Variants in VPS26A observed in about 807,000 individuals in gnomAD.
VPS26A encodes the protein vacuolar protein sorting-associated protein 26A.
In VPS26A, 22 loss-of-function variants were observed where a neutral mutation model predicts 42.4. The observed-to-expected ratio is 0.52, with a 90% confidence interval of 0.37 to 0.74. The LOEUF (loss-of-function observed/expected upper bound fraction) is 0.74, where lower values mean the gene tolerates loss of function less well. VPS26A is among the 30% of genes least tolerant of loss of function. The pLI is 0.00. For missense variants in VPS26A, 276 were observed against 379.2 expected (o/e 0.73, Z 2.26); for synonymous variants, 110 against 123.5 (o/e 0.89, Z 0.73).
At chr10:69,137,355 AC>A (rs2132195871) in intron 2 of VPS26A, among the ~76,000 whole-genome samples, 1 of 152,336 alleles carries the variant, frequency 6.6e-6, no homozygotes, top group South Asian at 2.1e-4. Flanking sequence ...TCAGGGACTT[AC>A]CAGGTTAAAA....
At chr10:69,151,881 T>G (rs142328139) in intron 2 of VPS26A, among the ~76,000 whole-genome samples, 1 of 152,348 alleles carries the variant, frequency 6.6e-6, no homozygotes, top group Non-Finnish European at 1.5e-5. Context: ...CTGCATGGCT[T>G]TTGAAATAGC....
intron 2 of VPS26A, among the ~76,000 whole-genome samples, chr10:69,145,565 G>T (rs1285060980): frequency 1.3e-5 from 2 of 151,952 alleles, no homozygotes; most frequent in East Asian, 3.9e-4. Flanking sequence ...TTTTTCTTCT[G>T]TATGGATAGC....
At chr10:69,158,570 T>A (rs4603192) in intron 5 of VPS26A, among the ~76,000 whole-genome samples, 2 of 151,702 alleles carry the variant, frequency 1.3e-5, no homozygotes, top group East Asian at 1.9e-4. Flanking sequence ...TGTTAATGTC[T>A]CCTTGTATAT....
chr10:69,160,351 G>A lies in VPS26A; in HGVS notation c.552-2055G>A, dbSNP rs187004808. Among the ~76,000 whole-genome samples the A allele has an allele frequency of 2.6e-4, 39 of 152,026 alleles. No homozygotes were observed. The East Asian group carries it at 7.3e-3, about 29-fold the overall frequency. On this transcript the variant is annotated intron_variant, in intron 5 of 8. Transcript: ENST00000263559. ...ATTTTTGTATTTTTAGTGGAGACGG[G>A]GTTTCACCATGTTGGTCAGGCTGGT...
rs560559803 is a variant in VPS26A, at chr10:69,132,766, T to C, written c.4-132T>C. On this transcript the variant is annotated intron_variant, in intron 1 of 8. Transcript: ENST00000263559. Reference sequence around the variant, plus strand: ...CCTTTGATGTAGCATTTGATATATGTTTTTATCATTTCCTTATGAACTCAC... The same window carrying C: ...CCTTTGATGTAGCATTTGATATATGCTTTTATCATTTCCTTATGAACTCAC... The C allele has an allele frequency of 6.5e-5, 62 of 957,616 alleles. No homozygotes were observed. The South Asian group carries it at 1.1e-3, about 17-fold the overall frequency. The allele number at this position is 957,616 out of a possible 1,614,324, so 59.3% of individuals were successfully genotyped here.
At chr10:69,150,929 T>C (rs1841289754) in intron 2 of VPS26A, among the ~76,000 whole-genome samples, 1 of 152,096 alleles carries the variant, frequency 6.6e-6, no homozygotes, top group South Asian at 2.1e-4. Flanking sequence ...AGTTTTTGAA[T>C]TATAATAAGA....
Position 69,172,872 on chromosome 10 carries a change from T to C in VPS26A, c.*1603T>C, listed in dbSNP as rs1841847321. ...AATTTGAAACAGAAACTGAGCTTGC[T>C]GTTTGCATGATTAAAATAGCTCTGT... is the stretch of plus-strand genomic sequence containing the variant. On this transcript the variant is annotated 3_prime_UTR_variant, in exon 9 of 9. Transcript: ENST00000263559. The C allele has an allele frequency of 6.6e-6, 1 of 152,404 alleles. No individual in the cohort carries two copies. Among genetic ancestry groups the C allele is most frequent in the African/African-American group, 2.4e-5 (1 of 41,478 alleles). 9.4% of individuals were successfully genotyped at this position (152,404 alleles called of 1,614,324 possible).
intron 2 of VPS26A, among the ~76,000 whole-genome samples, chr10:69,139,915 C>T (rs917723263): frequency 1.3e-5 from 2 of 151,996 alleles, no homozygotes; most frequent in East Asian, 1.9e-4. Flanking sequence ...TTCTTAATAT[C>T]GTATAGCCTG....
Position 69,124,297 on chromosome 10 carries a change from C to T in VPS26A, c.3+17C>T, listed in dbSNP as rs764068276. Reference sequence around the variant, plus strand: ...TTGACAATGGTGAGTGCGCGGCGGCCAGCGCGCTCGCCTCCCGCCCTCGTC... The same window carrying T: ...TTGACAATGGTGAGTGCGCGGCGGCTAGCGCGCTCGCCTCCCGCCCTCGTC... On this transcript the variant is annotated intron_variant, in intron 1 of 8. Coordinates refer to ENST00000263559, the MANE Select transcript of VPS26A (RefSeq NM_004896.5). The T allele has an allele frequency of 2.4e-6, 3 of 1,252,660 alleles. No homozygotes were observed. In the African/African-American group the frequency reaches 4.7e-5, roughly 19 times the overall value. 77.6% of individuals were successfully genotyped at this position (1,252,660 alleles called of 1,614,324 possible).
intron 2 of VPS26A, among the ~76,000 whole-genome samples, chr10:69,149,727 GTTTTTTGTT>G (rs1841250625): frequency 2.1e-4 from 20 of 93,948 alleles, no homozygotes; most frequent in African/African-American, 8.7e-4. Flanking sequence ...CTTTCTTGGT[GTTTTTTGTT>G]TTTTTTTTTT....
At chr10:69,148,599 T>A (rs971690722) in intron 2 of VPS26A, among the ~76,000 whole-genome samples, 7 of 152,144 alleles carry the variant, frequency 4.6e-5, no homozygotes, top group Non-Finnish European at 7.3e-5. Flanking sequence ...AGTGTATAAA[T>A]GGTGTGTGGT....
At chr10:69,134,521 G>A (rs1438134978) in intron 2 of VPS26A, among the ~76,000 whole-genome samples, 1 of 152,074 alleles carries the variant, frequency 6.6e-6, no homozygotes, top group Non-Finnish European at 1.5e-5. Context: ...GTCCACCTGT[G>A]GGTCTTTTTC....
At chr10:69,141,816 A>G (rs1841046167) in intron 2 of VPS26A, among the ~76,000 whole-genome samples, 1 of 152,204 alleles carries the variant, frequency 6.6e-6, no homozygotes, top group Admixed American at 6.5e-5. Flanking sequence ...GTTTGCTATA[A>G]TAACAATATT....
chr10:69,152,257 A>G (rs1841329486), intron 2 of VPS26A, among the ~76,000 whole-genome samples: 1 of 152,184 alleles, frequency 6.6e-6, no homozygotes, highest in South Asian at 2.1e-4. Flanking sequence ...ACAATTACCC[A>G]TAATCAATAA....
chr10:69,149,779 G>C (rs1220227218), intron 2 of VPS26A, among the ~76,000 whole-genome samples: 1 of 120,390 alleles, frequency 8.3e-6, no homozygotes, highest in South Asian at 2.6e-4. Context: ...TGGAGTCTTC[G>C]TCTGTCACCC....
intron 1 of VPS26A, among the ~76,000 whole-genome samples, chr10:69,126,030 T>A (rs1840644160): frequency 6.6e-6 from 1 of 152,210 alleles, no homozygotes; most frequent in Admixed American, 6.5e-5. Flanking sequence ...GTTTTTATAG[T>A]CATATATATT....
In VPS26A at chr10:69,173,791, A is replaced by G. The variant is rs915971201; in HGVS notation, c.*2522A>G. On this transcript the variant is annotated 3_prime_UTR_variant, in exon 9 of 9. Coordinates refer to ENST00000263559, the MANE Select transcript of VPS26A (RefSeq NM_004896.5). ...GAGGCGGGCAGATCACCTGAGTTCC[A>G]GGAGTTCGAGACCAGCCTGACCAAC... is the stretch of plus-strand genomic sequence containing the variant. 2.6e-5 allele frequency among the ~76,000 whole-genome samples: 4 copies of G among 151,894 alleles called. No individual in the cohort carries two copies. The highest frequency in any genetic ancestry group is 5.9e-5 in the Non-Finnish European group (4 of 67,950).
chr10:69,174,049 G>A lies in VPS26A; in HGVS notation c.*2780G>A, dbSNP rs2132249290. 6.6e-6 allele frequency among the ~76,000 whole-genome samples: 1 copy of A among 152,264 alleles called. No individual in the cohort carries two copies. The highest frequency in any genetic ancestry group is 1.9e-4 in the East Asian group (1 of 5,170). On this transcript the variant is annotated 3_prime_UTR_variant, in exon 9 of 9. Transcript: ENST00000263559. ...AGGACGTGGGCGGGGACAAATAAGA[G>A]AATAAAAGCTGGCCACCCCCCAGCC... is the stretch of plus-strand genomic sequence containing the variant.
At chr10:69,159,461 A>C (rs1326588751) in intron 5 of VPS26A, among the ~76,000 whole-genome samples, 2 of 152,154 alleles carry the variant, frequency 1.3e-5, no homozygotes, top group African/African-American at 4.8e-5. Flanking sequence ...TAAGTGAAAA[A>C]TTTAGCCATA....
Sources: allele counts gnomAD v4.1 joint callset (sites outside exome capture counted in the v4.1 genomes callset), GRCh38; gene constraint gnomAD v4.1.1; transcripts MANE v1.5; gene names NCBI Gene and HGNC (gene_info 2026-07-23, HGNC 2026-07-21).